RAB11FIP3: variants seen among roughly 807,000 people sequenced by gnomAD.
The protein encoded by RAB11FIP3 is rab11 family-interacting protein 3.
RAB11FIP3 carries 17 observed loss-of-function variants against 77.8 expected under a neutral mutation model. That is an observed-to-expected ratio of 0.22 (90% confidence interval 0.15 to 0.33). RAB11FIP3 has a LOEUF of 0.33. Among genes scored for constraint, RAB11FIP3 ranks in the 10% least tolerant of loss-of-function variants. The probability of loss-of-function intolerance (pLI) is 1.00; values close to 1 mark genes in which losing one functional copy is unlikely to be tolerated. For missense variants in RAB11FIP3, 1,005 were observed against 1,011.2 expected (o/e 0.99, Z 0.08); for synonymous variants, 437 against 448.2 (o/e 0.98, Z 0.31).
At position 519,003 on chromosome 16, in the gene RAB11FIP3, C is replaced by T. The variant is rs2141908476; in HGVS notation, c.1701C>T (p.Ala567=). 1 of 1,613,518 alleles carries T rather than the reference C, an allele frequency of 6.2e-7. No individual in the cohort carries two copies. Among genetic ancestry groups the T allele is most frequent in the South Asian group, 1.1e-5 (1 of 91,086 alleles). ...GGTCCTGCACGCCCTGTCTGAAGGC[C>T]AACATTGAGCGTCTGGAGGAGGTGA... is the stretch of plus-strand genomic sequence containing the variant. ...ELRSCTPCLK[A]NIERLEEEKQ... The change falls in exon 10 of 14, where the codon GCC becomes GCT. Residue 567 remains alanine, a synonymous_variant. Coordinates refer to ENST00000262305, the MANE Select transcript of RAB11FIP3 (RefSeq NM_014700.4).
At position 453,681 on chromosome 16, in the gene RAB11FIP3, CCTGGGTT is replaced by C. The variant is rs776433421; in HGVS notation, c.715-7721_715-7715del. Among the ~76,000 whole-genome samples the C allele has an allele frequency of 1.6e-4, 24 of 151,770 alleles. No homozygotes were observed. The Middle Eastern group carries it at 0.014, about 87-fold the overall frequency. ...TCTTGGCTCACTGCAACCTCTGCCC[CCTGGGTT>C]CAAGCGATTCTTCTGCCTCAGCCTC... On this transcript the variant is annotated intron_variant, in intron 1 of 13. Coordinates refer to ENST00000262305, the MANE Select transcript of RAB11FIP3 (RefSeq NM_014700.4).
chr16:436,224 G>A (rs557209570), intron 1 of RAB11FIP3, among the ~76,000 whole-genome samples: 1 of 152,264 alleles, frequency 6.6e-6, no homozygotes, highest in African/African-American at 2.4e-5. Context: ...CAGGAGAATT[G>A]CTTGAATCCG....
rs989299484 is a variant in RAB11FIP3 at position 471,039 on chromosome 16, C to A, written c.809-256C>A. ...GAAATAAAAAGTTTATCTCCTACCT[C>A]TGCATCTCCTCCTCAGAATTCTCTC... On this transcript the variant is annotated intron_variant, in intron 2 of 13. Coordinates refer to ENST00000262305, the MANE Select transcript of RAB11FIP3 (RefSeq NM_014700.4). This position sits in a 1 kb window ranked among gnomAD's most constrained non-coding sequence, Gnocchi z 4.4. Among the ~76,000 whole-genome samples, 1 of 151,680 alleles carries A rather than the reference C, an allele frequency of 6.6e-6. No homozygotes were observed. The highest frequency in any genetic ancestry group is 2.4e-5 in the African/African-American group (1 of 41,228).
chr16:486,952 TAAG>T (rs1286066399), intron 4 of RAB11FIP3, among the ~76,000 whole-genome samples: 1 of 152,150 alleles, frequency 6.6e-6, no homozygotes, highest in Non-Finnish European at 1.5e-5. Context: ...CACCCAATCA[TAAG>T]AAACAGAAAA....
intron 6 of RAB11FIP3, among the ~76,000 whole-genome samples, chr16:498,573 C>G (rs9921779): frequency 0.064 from 9,808 of 152,178 alleles, 548 homozygotes; most frequent in African/African-American, 0.15. Flanking sequence ...GAAGTGACAT[C>G]ATCACAGCTC....
rs891044400 is a variant in RAB11FIP3, at chr16:466,252, G to A, written c.808+4755G>A. Among the ~76,000 whole-genome samples the A allele has an allele frequency of 4.6e-5, 7 of 152,276 alleles. 1 individual carries two copies. In the South Asian group the frequency reaches 6.2e-4, roughly 14 times the overall value. ...ACAGCCTGTCATGGAGAGTTAAGAC[G>A]GGTCTTTTGTAGGTTTGGACAGGTG... On this transcript the variant is annotated intron_variant, in intron 2 of 13. Coordinates refer to ENST00000262305, the MANE Select transcript of RAB11FIP3 (RefSeq NM_014700.4).
At chr16:455,408 A>G (rs2055486090) in intron 1 of RAB11FIP3, among the ~76,000 whole-genome samples, 2 of 149,472 alleles carry the variant, frequency 1.3e-5, no homozygotes, top group Non-Finnish European at 3.0e-5. Flanking sequence ...CGGGAGGTGG[A>G]GGCTGCAGTG....
In RAB11FIP3 at chr16:520,995, CG is replaced by C. The variant is rs878955092; in HGVS notation, c.*160del. 53 of 659,912 alleles carry C rather than the reference CG, an allele frequency of 8.0e-5. No homozygotes were observed. The South Asian group carries it at 8.9e-4, about 11-fold the overall frequency. The allele number at this position is 659,912 out of a possible 1,614,324, so 40.9% of individuals were successfully genotyped here. A position where few individuals can be genotyped will look rare whatever the true frequency, so the allele number is the denominator to read the frequency against. On this transcript the variant is annotated 3_prime_UTR_variant, in exon 14 of 14. Coordinates refer to ENST00000262305, the MANE Select transcript of RAB11FIP3 (RefSeq NM_014700.4). ...CAGCTGAGCTGGGGCCGCCAAAGAC[CG>C]GGGCTGCCAAAGGGGCAGAGGGTGG...
At chr16:487,561 C>T (rs1036549250) in intron 4 of RAB11FIP3, among the ~76,000 whole-genome samples, 3 of 152,182 alleles carry the variant, frequency 2.0e-5, no homozygotes, top group East Asian at 1.9e-4. Flanking sequence ...GCAGAGCGCG[C>T]GGTCCTCCTG....
intron 6 of RAB11FIP3, among the ~76,000 whole-genome samples, chr16:500,422 C>T (rs1318446723): frequency 6.6e-6 from 1 of 152,128 alleles, no homozygotes; most frequent in African/African-American, 2.4e-5. Context: ...GTGGTTCACG[C>T]CTGTACTCCC....
intron 1 of RAB11FIP3, among the ~76,000 whole-genome samples, chr16:432,780 A>C (rs1201423428): frequency 6.6e-6 from 1 of 150,786 alleles, no homozygotes; most frequent in Non-Finnish European, 1.5e-5. Flanking sequence ...AAATTTTTGT[A>C]TTTTTAATAG....
chr16:443,561 T>C (rs1160965918), intron 1 of RAB11FIP3, among the ~76,000 whole-genome samples: 1 of 152,078 alleles, frequency 6.6e-6, no homozygotes, highest in Non-Finnish European at 1.5e-5. Context: ...GCATGATCTT[T>C]GGTGGTGGTG....
intron 4 of RAB11FIP3, among the ~76,000 whole-genome samples, chr16:484,059 T>C (rs1450877042): frequency 6.6e-6 from 1 of 152,146 alleles, no homozygotes; most frequent in East Asian, 1.9e-4. Flanking sequence ...CACTCTTATC[T>C]GGCTCAGAAT....
rs370555022 is a variant in RAB11FIP3 at position 461,630 on chromosome 16, C to T, written c.808+133C>T. On this transcript the variant is annotated intron_variant, in intron 2 of 13. Transcript: ENST00000262305. This position sits in a 1 kb window ranked among gnomAD's most constrained non-coding sequence, Gnocchi z 4.5. ...TCTCCTTGAAGCCCCCAACATACCC[C>T]AGGTTTCCAGGTGGTCTCTTTCCTT... The T allele has an allele frequency of 3.1e-6, 2 of 649,726 alleles. No homozygotes were observed. Among genetic ancestry groups the T allele is most frequent in the Non-Finnish European group, 5.2e-6 (2 of 383,648 alleles). The allele number at this position is 649,726 out of a possible 1,614,324, so 40.2% of individuals were successfully genotyped here.
At chr16:427,224 G>A (rs1049766924) in intron 1 of RAB11FIP3, among the ~76,000 whole-genome samples, 1 of 152,268 alleles carries the variant, frequency 6.6e-6, no homozygotes, top group Non-Finnish European at 1.5e-5. Flanking sequence ...ACTGTGTGTG[G>A]TTGACATCTT....
At chr16:474,411 TA>T (rs2055863093) in intron 3 of RAB11FIP3, among the ~76,000 whole-genome samples, 1 of 152,164 alleles carries the variant, frequency 6.6e-6, no homozygotes, top group African/African-American at 2.4e-5. Context: ...AGGCAGCTTA[TA>T]ACGGGAAAGT....
chr16:519,419 C>T (rs975688983), intron 10 of RAB11FIP3, among the ~76,000 whole-genome samples: 3 of 152,256 alleles, frequency 2.0e-5, no homozygotes, highest in African/African-American at 7.2e-5. Context: ...GAAGGATATT[C>T]TCAGAGCACT....
At chr16:456,113 C>G (rs1033784358) in intron 1 of RAB11FIP3, among the ~76,000 whole-genome samples, 1 of 151,720 alleles carries the variant, frequency 6.6e-6, no homozygotes, top group African/African-American at 2.4e-5. Flanking sequence ...GGATGGATCA[C>G]CTGAGGTCAG....
chr16:476,035 T>C (rs1487489137), intron 3 of RAB11FIP3, among the ~76,000 whole-genome samples: 1 of 152,144 alleles, frequency 6.6e-6, no homozygotes, highest in East Asian at 1.9e-4. Flanking sequence ...TTTGTATTTT[T>C]AGGAGAAACA....
Sources: gnomAD v4.1 joint callset for allele counts (sites outside exome capture counted in the v4.1 genomes callset) on GRCh38, gnomAD v4.1.1 for gene constraint, Gnocchi (gnomAD v3.1) non-coding constraint, MANE v1.5 for transcripts, NCBI Gene and HGNC (gene_info 2026-07-23, HGNC 2026-07-21) for gene names.